The following LRRTM4 variants were observed in gnomAD, a reference collection of about 807,000 sequenced individuals.
LRRTM4 encodes the protein leucine-rich repeat transmembrane neuronal protein 4.
Under a neutral mutation model 47.6 loss-of-function variants are expected in LRRTM4, and 25 were observed. The ratio of observed to expected loss-of-function variants is 0.53; its 90% confidence interval spans 0.38 to 0.73. The LOEUF (loss-of-function observed/expected upper bound fraction) is 0.73, where lower values mean the gene tolerates loss of function less well. Ranked by LOEUF, LRRTM4 falls within the 30% of genes least tolerant of loss-of-function variation. LRRTM4 has a pLI of 0.00. For synonymous variants in LRRTM4, 311 were observed against 269.5 expected (o/e 1.15, Z -1.51); for missense variants, 638 against 713.4 (o/e 0.89, Z 1.20).
chr2:77,058,072 C>T (rs1458219613), intron 3 of LRRTM4, among the ~76,000 whole-genome samples: 5 of 152,104 alleles, frequency 3.3e-5, no homozygotes, highest in African/African-American at 7.2e-5. Context: ...GTCAATCCCA[C>T]CTTATGGGAA....
chr2:77,368,853 A>T (rs74965334), intron 3 of LRRTM4, among the ~76,000 whole-genome samples: 2,091 of 151,830 alleles, frequency 0.014, 56 homozygotes, highest in African/African-American at 0.048. Context: ...CTTTGGCGAT[A>T]TATGCAGGGG....
At position 77,279,127 on chromosome 2, in the gene LRRTM4, C is replaced by T. The variant is rs373818469; in HGVS notation, c.1551+239191G>A. On this transcript the variant is annotated intron_variant, in intron 3 of 3. Transcript: ENST00000409884. The stretch of plus-strand genomic sequence containing the variant: ...ATTGGAGGTCCAACAAACAAACTTG[C>T]TTTCATCTTACTCATGGGATCAACT... 6.6e-5 allele frequency among the ~76,000 whole-genome samples: 10 copies of T among 152,078 alleles called. No homozygotes were observed. The East Asian group carries it at 1.4e-3, about 21-fold the overall frequency.
chr2:77,517,619 A>G, intron 3 of LRRTM4: 1 of 983,762 alleles, frequency 1.0e-6, no homozygotes, highest in Non-Finnish European at 1.2e-6. Flanking sequence ...TAATTAAAAA[A>G]CAAACAAACA....
intron 3 of LRRTM4, among the ~76,000 whole-genome samples, chr2:77,465,182 T>C (rs948838653): frequency 2.7e-4 from 41 of 152,154 alleles, no homozygotes; most frequent in African/African-American, 8.9e-4. Context: ...AGGATTGATG[T>C]CTGGTATTCA....
At chr2:76,933,748 G>T (rs1391095107) in intron 3 of LRRTM4, among the ~76,000 whole-genome samples, 1 of 152,020 alleles carries the variant, frequency 6.6e-6, no homozygotes, top group African/African-American at 2.4e-5. Flanking sequence ...TAAATAAAAA[G>T]GGAGAAATTT....
At chr2:77,369,486 A>G (rs944592343) in intron 3 of LRRTM4, among the ~76,000 whole-genome samples, 2 of 151,780 alleles carry the variant, frequency 1.3e-5, no homozygotes, top group Non-Finnish European at 2.9e-5. Context: ...TGAAGACGAA[A>G]GTGGACAATA....
intron 3 of LRRTM4, among the ~76,000 whole-genome samples, chr2:77,382,872 G>A (rs906201529): frequency 2.6e-5 from 4 of 152,046 alleles, no homozygotes; most frequent in East Asian, 1.9e-4. Context: ...CGAGCCATAC[G>A]AAAATCCACA....
chr2:76,775,638 C>A (rs923440393), intron 3 of LRRTM4, among the ~76,000 whole-genome samples: 8 of 152,118 alleles, frequency 5.3e-5, no homozygotes, highest in African/African-American at 1.7e-4. Context: ...CAGGAGTTAG[C>A]AGCTTTATAG....
intron 3 of LRRTM4, among the ~76,000 whole-genome samples, chr2:76,779,954 C>G (rs1054472655): frequency 2.6e-5 from 4 of 151,886 alleles, no homozygotes; most frequent in South Asian, 4.2e-4. Flanking sequence ...TAAGGCAGGC[C>G]TGGTGGTGAC....
intron 3 of LRRTM4, among the ~76,000 whole-genome samples, chr2:76,778,213 A>T (rs1212475285): frequency 7.1e-6 from 1 of 141,012 alleles, no homozygotes; most frequent in African/African-American, 2.8e-5. Flanking sequence ...ATATTGGTCT[A>T]AAATTCTCTT....
At chr2:76,898,549 G>GTC (rs1305834126) in intron 3 of LRRTM4, among the ~76,000 whole-genome samples, 1 of 92,900 alleles carries the variant, frequency 1.1e-5, no homozygotes, top group African/African-American at 4.6e-5. Context: ...GCAAAGCTCC[G>GTC]TCTCAAAAAA....
intron 3 of LRRTM4, among the ~76,000 whole-genome samples, chr2:76,942,676 CTGTGTGTGTG>C (rs61077287): frequency 2.7e-5 from 4 of 148,206 alleles, no homozygotes; most frequent in Admixed American, 6.7e-5. Context: ...CTCTAGGAAT[CTGTGTGTGTG>C]TGTGTGTGTG....
At chr2:77,057,338 T>C (rs1558554265) in intron 3 of LRRTM4, among the ~76,000 whole-genome samples, 1 of 152,172 alleles carries the variant, frequency 6.6e-6, no homozygotes, top group African/African-American at 2.4e-5. Flanking sequence ...AGGCTAACAG[T>C]ATAATAGGTA....
chr2:77,365,006 T>C (rs1332859730), intron 3 of LRRTM4, among the ~76,000 whole-genome samples: 1 of 152,008 alleles, frequency 6.6e-6, no homozygotes, highest in Non-Finnish European at 1.5e-5. Flanking sequence ...CATCAACTCT[T>C]TCAGTGCCCA....
chr2:77,098,789 AAGAT>A (rs1670875980), intron 3 of LRRTM4, among the ~76,000 whole-genome samples: 2 of 152,004 alleles, frequency 1.3e-5, no homozygotes, highest in African/African-American at 2.4e-5. Context: ...ACAAATCAAT[AAGAT>A]AAAGACAAAT....
intron 3 of LRRTM4, among the ~76,000 whole-genome samples, chr2:76,877,554 A>T (rs1471667932): frequency 6.6e-6 from 1 of 152,134 alleles, no homozygotes; most frequent in Non-Finnish European, 1.5e-5. Context: ...AAAATGTCTT[A>T]CCTCACTGTT....
chr2:77,363,257 A>T (rs563593330), intron 3 of LRRTM4, among the ~76,000 whole-genome samples: 1 of 152,348 alleles, frequency 6.6e-6, no homozygotes, highest in East Asian at 1.9e-4. Context: ...TATAATATGT[A>T]GTTGTCATTG....
At chr2:77,482,426 T>C (rs1415048092) in intron 3 of LRRTM4, among the ~76,000 whole-genome samples, 1 of 115,938 alleles carries the variant, frequency 8.6e-6, no homozygotes, top group Admixed American at 9.8e-5. Flanking sequence ...AAAACATCCA[T>C]AGAAATATTT....
At chr2:76,971,131 T>C (rs1573385426) in intron 3 of LRRTM4, among the ~76,000 whole-genome samples, 1 of 151,950 alleles carries the variant, frequency 6.6e-6, no homozygotes, top group Non-Finnish European at 1.5e-5. Context: ...GAGGGGACAG[T>C]TGCCACGAAC....
Sources: gnomAD v4.1 joint callset for allele counts (sites outside exome capture counted in the v4.1 genomes callset) on GRCh38, gnomAD v4.1.1 for gene constraint, MANE v1.5 for transcripts, NCBI Gene and HGNC (gene_info 2026-07-23, HGNC 2026-07-21) for gene names.